Variants in STK32A observed in about 807,000 individuals in gnomAD.
The protein encoded by STK32A is serine/threonine kinase 32A, also known as serine/threonine-protein kinase 32A.
Under a neutral mutation model 53.2 loss-of-function variants are expected in STK32A, and 41 were observed. That is an observed-to-expected ratio of 0.77 (90% CI 0.60 to 1.00). STK32A has a LOEUF of 1.00. Ranked by LOEUF, STK32A falls within the 50% of genes least tolerant of loss-of-function variation. The pLI, the probability that STK32A is intolerant of heterozygous loss-of-function variation, is 0.00. For missense variants in STK32A, 458 were observed against 485.8 expected (o/e 0.94, Z 0.54); for synonymous variants, 166 against 162.8 (o/e 1.02, Z -0.15).
chr5:147,278,204 C>A, intron 3 of STK32A, 25 bp downstream of exon 3: 2 of 1,576,878 alleles, frequency 1.3e-6, no homozygotes, highest in East Asian at 2.3e-5. Context: ...AAATGATTAA[C>A]CACCAGCAGG....
chr5:147,333,252 CTT>C (rs1042577261), intron 5 of STK32A, among the ~76,000 whole-genome samples: 13 of 152,136 alleles, frequency 8.5e-5, no homozygotes, highest in African/African-American at 3.1e-4. Context: ...ACATTTTTGA[CTT>C]ATAAATTTTC....
intron 10 of STK32A, among the ~76,000 whole-genome samples, chr5:147,374,485 C>T (rs1757145523): frequency 6.6e-6 from 1 of 152,026 alleles, no homozygotes; most frequent in African/African-American, 2.4e-5. Context: ...TGAGTTCTTA[C>T]CTCTCCGCTT....
At chr5:147,305,298 C>T (rs1255930209) in intron 4 of STK32A, among the ~76,000 whole-genome samples, 2 of 152,126 alleles carry the variant, frequency 1.3e-5, no homozygotes, top group South Asian at 4.1e-4. Context: ...TCCTGCCTCA[C>T]AGATAGGTTA....
intron 11 of STK32A, 127 bp downstream of exon 11, chr5:147,375,345 G>C (rs1757192969): frequency 8.0e-7 from 1 of 1,249,506 alleles, no homozygotes; most frequent in Non-Finnish European, 1.1e-6. Context: ...AGGAGAAGTA[G>C]ATCAGCCGGG....
At chr5:147,314,507 C>CAAAAAAAACAAAAAAA (rs1561713376) in intron 4 of STK32A, among the ~76,000 whole-genome samples, 8 of 12,792 alleles carry the variant, frequency 6.3e-4, no homozygotes, top group African/African-American at 1.1e-3. Flanking sequence ...TCAAAAAAAA[C>CAAAAAAAACAAAAAAA]AAAAAAAAAC....
intron 6 of STK32A, chr5:147,348,846 C>T: frequency 1.5e-6 from 1 of 683,510 alleles, no homozygotes; most frequent in East Asian, 2.7e-5. Flanking sequence ...TGCTAAGTCT[C>T]CTGTAATCAT....
rs79996946 is a variant in STK32A at position 147,247,175 on chromosome 5, C to T, written c.52+7489C>T. On this transcript the variant is annotated intron_variant, in intron 2 of 12. Transcript: ENST00000397936. ...TCTTCAAAGAAAATGGGAGTGCAGG[C>T]CTTCATGGGAGCTGACTTCTGCTGT... 3.6e-3 allele frequency among the ~76,000 whole-genome samples: 550 copies of T among 152,304 alleles called. 2 individuals carry two copies. The highest frequency in any genetic ancestry group is 0.012 in the African/African-American group (519 of 41,550).
At position 147,279,291 on chromosome 5, in the gene STK32A, G is replaced by T. The variant is rs762160288; in HGVS notation, c.153G>T (p.Met51Ile). The change falls in exon 4 of 13, where the codon ATG becomes ATT. Residue 51 changes from methionine to isoleucine, a missense_variant. Physicochemically the swap from Met to Ile is conservative, Grantham distance 10. Transcript: ENST00000397936. ...ATGATACCAAGAAGATGTACGCAAT[G>T]AAGTACATGAATAAACAAAAGTGCG... ...QKNDTKKMYA[M>I]KYMNKQKCVE... is the part of the protein sequence containing the mutation. 4.3e-6 allele frequency: 7 copies of T among 1,613,824 alleles called. No homozygotes were observed. In the Admixed American group the frequency reaches 1.2e-4, roughly 27 times the overall value.
At chr5:147,393,858 C>T in the STK32A span, 1 of 660,396 alleles carries the variant, frequency 1.5e-6, no homozygotes, top group East Asian at 2.8e-5. Flanking sequence ...GAAAACAAAG[C>T]AATATTCGTA....
In STK32A at chr5:147,243,129, A is replaced by C; in HGVS notation, c.52+3443A>C. On this transcript the variant is annotated intron_variant, in intron 2 of 12. Transcript: ENST00000397936. ...AAAGTTTTTTAAAATTTTTAAAAAG[A>C]TTTTTTAAAAGATTTTTAAAAATAT... Among the ~76,000 whole-genome samples the C allele has an allele frequency of 3.7e-5, 2 of 53,554 alleles. 1 individual carries two copies. The highest frequency in any genetic ancestry group is 8.5e-5 in the Non-Finnish European group (2 of 23,536). 35.1% of individuals were successfully genotyped at this position (53,554 alleles called of 152,430 possible).
At chr5:147,349,989 T>C (rs1001612555) in intron 6 of STK32A, among the ~76,000 whole-genome samples, 1 of 151,732 alleles carries the variant, frequency 6.6e-6, no homozygotes, top group Admixed American at 6.6e-5. Context: ...TGCATGCCTG[T>C]AATCCCAGCA....
chr5:147,283,459 T>C (rs1223757320), intron 4 of STK32A, among the ~76,000 whole-genome samples: 1 of 114,862 alleles, frequency 8.7e-6, no homozygotes, highest in Non-Finnish European at 1.8e-5. Flanking sequence ...CAGAACTAAA[T>C]GAAATTGAAA....
At chr5:147,397,596 T>C in the STK32A span, 2 of 1,511,500 alleles carry the variant, frequency 1.3e-6, no homozygotes, top group African/African-American at 2.7e-5. Context: ...CCTGTGTTCA[T>C]GGTTACTATC....
At chr5:147,308,021 A>G (rs1427057158) in intron 4 of STK32A, among the ~76,000 whole-genome samples, 1 of 152,166 alleles carries the variant, frequency 6.6e-6, no homozygotes, top group Non-Finnish European at 1.5e-5. Flanking sequence ...TTTCATAAGT[A>G]GCTTTTCAAT....
rs535136446 is a variant in STK32A at position 147,385,866 on chromosome 5, C to G, written c.*1883C>G. 1 of 152,174 alleles carries G rather than the reference C, an allele frequency of 6.6e-6. No homozygotes were observed. Among genetic ancestry groups the G allele is most frequent in the South Asian group, 2.1e-4 (1 of 4,828 alleles). The allele number at this position is 152,174 out of a possible 1,614,324, so 9.4% of individuals were successfully genotyped here. A position where few individuals can be genotyped will look rare whatever the true frequency, so the allele number is the denominator to read the frequency against. On this transcript the variant is annotated 3_prime_UTR_variant, in exon 13 of 13. Coordinates refer to ENST00000397936, the MANE Select transcript of STK32A (RefSeq NM_001112724.2). ...CAAGATGGCAGTAAGCTGGCAACTGCGAAGACCTGACTGATGCCCATTTGG... is the reference window on the plus strand; with the variant it reads ...CAAGATGGCAGTAAGCTGGCAACTGGGAAGACCTGACTGATGCCCATTTGG...
intron 4 of STK32A, among the ~76,000 whole-genome samples, chr5:147,288,788 C>A (rs1203081295): frequency 6.6e-6 from 1 of 152,118 alleles, no homozygotes; most frequent in Non-Finnish European, 1.5e-5. Flanking sequence ...TTGGGGATTA[C>A]AATTCAACAT....
intron 7 of STK32A, among the ~76,000 whole-genome samples, chr5:147,354,641 C>A (rs1342068571): frequency 1.3e-5 from 2 of 151,876 alleles, no homozygotes; most frequent in Non-Finnish European, 2.9e-5. Flanking sequence ...TCTCAGCAGC[C>A]CCATGGGGTG....
At chr5:147,342,936 T>G in intron 5 of STK32A, 70 bp from the exon 6 acceptor site, 1 of 1,489,230 alleles carries the variant, frequency 6.7e-7, no homozygotes, top group Non-Finnish European at 9.3e-7. Context: ...TCTTAAGCCT[T>G]TTTGCCCCTA....
intron 11 of STK32A, among the ~76,000 whole-genome samples, chr5:147,382,500 C>T (rs1757492581): frequency 6.6e-6 from 1 of 151,702 alleles, no homozygotes; most frequent in African/African-American, 2.4e-5. Context: ...TCCTGGCATG[C>T]CTTGTTATTT....
Sources: gnomAD v4.1 joint callset for allele counts (sites outside exome capture counted in the v4.1 genomes callset) on GRCh38, gnomAD v4.1.1 for gene constraint, MANE v1.5 for transcripts, NCBI Gene and HGNC (gene_info 2026-07-23, HGNC 2026-07-21) for gene names.